ESYT2: variants seen among roughly 807,000 people sequenced by gnomAD.
ESYT2 encodes extended synaptotagmin-2.
In ESYT2, 54 loss-of-function variants were observed where a neutral mutation model predicts 107.2. The observed-to-expected ratio is 0.50, with a 90% CI of 0.40 to 0.63. ESYT2 has a LOEUF of 0.63. Among genes scored for constraint, ESYT2 ranks in the 30% least tolerant of loss-of-function variants. The pLI is 0.00. For missense variants in ESYT2, 1,020 were observed against 1,094.5 expected (o/e 0.93, Z 0.96); for synonymous variants, 491 against 434.1 (o/e 1.13, Z -1.63).
intron 6 of ESYT2, among the ~76,000 whole-genome samples, chr7:158,776,077 C>CT (rs1257704582): frequency 6.6e-6 from 1 of 151,980 alleles, no homozygotes; most frequent in Non-Finnish European, 1.5e-5. Context: ...TTGAGGGACT[C>CT]TTTTTTTTCT....
intron 11 of ESYT2, among the ~76,000 whole-genome samples, chr7:158,760,600 T>C (rs959489): frequency 0.81 from 123,564 of 152,146 alleles, 50,962 homozygotes; most frequent in Non-Finnish European, 0.89. Flanking sequence ...GGACCACAGG[T>C]GTAGGCAAGC....
chr7:158,771,562 T>C (rs935669919), intron 7 of ESYT2, among the ~76,000 whole-genome samples: 2 of 152,172 alleles, frequency 1.3e-5, no homozygotes, highest in African/African-American at 4.8e-5. Context: ...GACTAAATGC[T>C]TGTAGCTGCA....
chr7:158,771,092 T>C (rs1563641087), intron 7 of ESYT2, among the ~76,000 whole-genome samples: 2 of 152,284 alleles, frequency 1.3e-5, no homozygotes, highest in Non-Finnish European at 2.9e-5. Flanking sequence ...TATTTATCTC[T>C]GTATTTACGT....
intron 1 of ESYT2, among the ~76,000 whole-genome samples, chr7:158,827,873 G>C (rs1394771074): frequency 6.6e-6 from 1 of 152,162 alleles, no homozygotes; most frequent in Non-Finnish European, 1.5e-5. Context: ...CTTGCAGTGT[G>C]AAACTGTGAA....
At chr7:158,780,996 GA>G (rs1283768290) in intron 6 of ESYT2, among the ~76,000 whole-genome samples, 3 of 152,150 alleles carry the variant, frequency 2.0e-5, no homozygotes, top group African/African-American at 4.8e-5. Context: ...AAGAGGGACA[GA>G]GAACTAATGT....
At chr7:158,743,401 TCCTG>T in intron 17 of ESYT2, 124 bp downstream of exon 17, 1 of 1,236,798 alleles carries the variant, frequency 8.1e-7, no homozygotes, top group Non-Finnish European at 1.1e-6. Context: ...ACCGGCGCCC[TCCTG>T]CGGCCCAGAG....
At position 158,746,558 on chromosome 7, in the gene ESYT2, G is replaced by A. The variant is rs1485208757; in HGVS notation, c.1644+1636C>T. Among the ~76,000 whole-genome samples, 14 of 151,804 alleles carry A rather than the reference G, an allele frequency of 9.2e-5. No homozygotes were observed. In the East Asian group the frequency reaches 1.4e-3, roughly 15 times the overall value. On this transcript the variant is annotated intron_variant, in intron 16 of 22. Coordinates refer to ENST00000275418, the MANE Select transcript of ESYT2 (RefSeq NM_001367773.1). Reference sequence around the variant, plus strand: ...ATAAAGCACCAATAATAAAGACAGTGTGATACTGGCATAAAGACAGACATA... The same window carrying A: ...ATAAAGCACCAATAATAAAGACAGTATGATACTGGCATAAAGACAGACATA...
chr7:158,812,229 GCTC>G (rs979807118), intron 1 of ESYT2, among the ~76,000 whole-genome samples: 22 of 152,238 alleles, frequency 1.4e-4, no homozygotes, highest in African/African-American at 5.3e-4. Flanking sequence ...GCTTGGGCTG[GCTC>G]CTGCTCACAG....
At chr7:158,792,457 G>A (rs1179807058) in intron 4 of ESYT2, among the ~76,000 whole-genome samples, 1 of 151,384 alleles carries the variant, frequency 6.6e-6, no homozygotes, top group Non-Finnish European at 1.5e-5. Flanking sequence ...GATTCTGGGA[G>A]GTCGAAGCTG....
At chr7:158,798,646 CAAAAAAAAA>C (rs57351086) in intron 2 of ESYT2, among the ~76,000 whole-genome samples, 3 of 49,852 alleles carry the variant, frequency 6.0e-5, no homozygotes, top group Non-Finnish European at 9.8e-5. Flanking sequence ...AGCTCCGTCT[CAAAAAAAAA>C]AAAAAAAAAA....
chr7:158,757,941 A>G (rs981219887), intron 13 of ESYT2, among the ~76,000 whole-genome samples: 10 of 152,226 alleles, frequency 6.6e-5, no homozygotes, highest in Non-Finnish European at 1.2e-4. Flanking sequence ...CTTTACAACA[A>G]ACATTACCAT....
At chr7:158,774,429 T>C (rs145799192) in intron 6 of ESYT2, among the ~76,000 whole-genome samples, 20 of 152,238 alleles carry the variant, frequency 1.3e-4, no homozygotes, top group African/African-American at 3.9e-4. Flanking sequence ...CAAACATCAG[T>C]ATCAACCTAT....
At chr7:158,786,664 G>T (rs765671335) in intron 6 of ESYT2, among the ~76,000 whole-genome samples, 1 of 152,140 alleles carries the variant, frequency 6.6e-6, no homozygotes, top group Non-Finnish European at 1.5e-5. Flanking sequence ...TACAGAAAAA[G>T]TACAAGCTGT....
At position 158,767,672 on chromosome 7, in the gene ESYT2, C is replaced by T. The variant is rs1838209685; in HGVS notation, c.906G>A (p.Leu302=). 1 of 1,612,044 alleles carries T rather than the reference C, an allele frequency of 6.2e-7. No homozygotes were observed. The highest frequency in any genetic ancestry group is 1.3e-5 in the African/African-American group (1 of 74,818). The change falls in exon 8 of 23, where the codon TTG becomes TTA. Residue 302 remains leucine (L), a synonymous_variant. Coordinates refer to ENST00000275418, the MANE Select transcript of ESYT2 (RefSeq NM_001367773.1). ...CGCTTACCTTTGGTACAGGAAACCG[C>T]AACTGAGCTATTTGAACTTCACTGA... The part of the protein sequence containing the change: ...PLVSEVQIAQ[L]RFPVPKGVLR...
At chr7:158,759,348 T>C (rs1033084002) in intron 13 of ESYT2, 138 bp downstream of exon 13, 57 of 604,930 alleles carry the variant, frequency 9.4e-5, no homozygotes, top group African/African-American at 7.1e-4. Context: ...CCACTGCCAC[T>C]CTCCTGCACT....
intron 9 of ESYT2, among the ~76,000 whole-genome samples, chr7:158,764,116 T>G (rs1227382074): frequency 6.6e-6 from 1 of 152,200 alleles, no homozygotes; most frequent in Non-Finnish European, 1.5e-5. Context: ...CAATTTCACT[T>G]TAAAGAGCTT....
intron 1 of ESYT2, among the ~76,000 whole-genome samples, chr7:158,816,241 T>C (rs1404737688): frequency 6.6e-6 from 1 of 152,074 alleles, no homozygotes; most frequent in Non-Finnish European, 1.5e-5. Context: ...TCCCAGATAC[T>C]CGAGAGGCTG....
At chr7:158,742,123 G>A (rs1207222948) in intron 17 of ESYT2, among the ~76,000 whole-genome samples, 1 of 152,202 alleles carries the variant, frequency 6.6e-6, no homozygotes, top group Non-Finnish European at 1.5e-5. Context: ...CCAGAGTGCT[G>A]TAGCTCTTCA....
intron 1 of ESYT2, among the ~76,000 whole-genome samples, chr7:158,799,521 G>A (rs1048570033): frequency 6.6e-6 from 1 of 152,198 alleles, no homozygotes; most frequent in Non-Finnish European, 1.5e-5. Flanking sequence ...AGGTACTCAG[G>A]AGGCTGAGGT....
Sources: allele counts gnomAD v4.1 joint callset (sites outside exome capture counted in the v4.1 genomes callset), GRCh38; gene constraint gnomAD v4.1.1; transcripts MANE v1.5; gene names NCBI Gene and HGNC (gene_info 2026-07-23, HGNC 2026-07-21).